The following CARD9 variants were observed in gnomAD, a reference collection of about 807,000 sequenced individuals.
CARD9 encodes caspase recruitment domain-containing protein 9.
Under a neutral mutation model 66.0 loss-of-function variants are expected in CARD9, and 53 were observed. That is an observed-to-expected ratio of 0.80 (90% CI 0.64 to 1.01). The LOEUF is 1.01. CARD9 is among the 50% of genes least tolerant of loss of function. CARD9 has a pLI of 0.00. For synonymous variants in CARD9, 387 were observed against 313.8 expected (o/e 1.23, Z -2.47); for missense variants, 769 against 743.2 (o/e 1.03, Z -0.40).
At position 136,364,276 on chromosome 9, in the gene CARD9, C is replaced by T. The variant is rs1833058273; in HGVS notation, c.*26G>A. ...CAGGAGGCCGGGCCGGTGGGTGTGC[C>T]CTGGTCGGGGCCTGCGCTGCTGCGG... On this transcript the variant is annotated 3_prime_UTR_variant, in exon 13 of 13. Coordinates refer to ENST00000371732, the MANE Select transcript of CARD9 (RefSeq NM_052813.5). 4 of 1,551,682 alleles carry T rather than the reference C, an allele frequency of 2.6e-6. No individual in the cohort carries two copies. The highest frequency in any genetic ancestry group is 2.6e-6 in the Non-Finnish European group (3 of 1,147,374).
chr9:136,372,599 C>T (rs1206454146), intron 1 of CARD9, among the ~76,000 whole-genome samples: 1 of 152,232 alleles, frequency 6.6e-6, no homozygotes, highest in Non-Finnish European at 1.5e-5. Context: ...GCCCTCCCAC[C>T]AGCACAGCAG....
intron 11 of CARD9, 171 bp downstream of exon 11, chr9:136,364,970 C>G (rs935766419): frequency 1.6e-6 from 1 of 642,956 alleles, no homozygotes; most frequent in Admixed American, 2.9e-5. Context: ...GGGGGATCCA[C>G]TTCGCAGCCC....
At position 136,365,192 on chromosome 9, in the gene CARD9, C is replaced by T. The variant is rs138344913; in HGVS notation, c.1383G>A (p.Pro461=). Residue 461 remains proline (P), a synonymous_variant, in exon 11 of 13, where the codon CCG becomes CCA. Coordinates refer to ENST00000371732, the MANE Select transcript of CARD9 (RefSeq NM_052813.5). ...DKGCLAGGGS[P]KQPFAALHQE... is the part of the protein sequence containing the mutation. ...GGTGCAGAGCTGCAAAGGGCTGTTTCGGGCTCCCCCCGCCGGCAAGGCAGC... is the reference window on the plus strand; with the variant it reads ...GGTGCAGAGCTGCAAAGGGCTGTTTTGGGCTCCCCCCGCCGGCAAGGCAGC... 5.1e-3 allele frequency: 8,284 copies of T among 1,610,312 alleles called. 64 individuals carry two copies. Among genetic ancestry groups the T allele is most frequent in the Non-Finnish European group, 4.9e-3 (5,749 of 1,179,810 alleles).
Position 136,372,064 on chromosome 9 carries a change from C to G in CARD9, c.15G>C (p.Glu5Asp). 8 of 1,612,686 alleles carry G rather than the reference C, an allele frequency of 5.0e-6. No homozygotes were observed. Among genetic ancestry groups the G allele is most frequent in the Non-Finnish European group, 6.8e-6 (8 of 1,179,972 alleles). The change falls in exon 2 of 13, where the codon GAG becomes GAC. Residue 5 changes from glutamate (E) to aspartate (D), a missense_variant. Coordinates refer to ENST00000371732, the MANE Select transcript of CARD9 (RefSeq NM_052813.5). Reference sequence around the variant, plus strand: ...GGACGCTCCAGCACTCGTCATCGTTCTCGTAGTCCGACATGGCCTCAGCAG... The same window carrying G: ...GGACGCTCCAGCACTCGTCATCGTTGTCGTAGTCCGACATGGCCTCAGCAG... Reference protein sequence around the residue: MSDYENDDECWSVLE... With the variant: MSDYDNDDECWSVLE...
intron 7 of CARD9, 48 bp from the exon 8 acceptor site, chr9:136,367,876 C>A: frequency 6.4e-7 from 1 of 1,558,578 alleles, no homozygotes; most frequent in Non-Finnish European, 8.7e-7. Context: ...CCCAAGCTTG[C>A]CCTGGGCCCT....
chr9:136,373,615 T>C lies in CARD9; in HGVS notation c.-100A>G. The C allele has an allele frequency of 1.0e-6, 1 of 983,452 alleles. No homozygotes were observed. Among genetic ancestry groups the C allele is most frequent in the Non-Finnish European group, 1.2e-6 (1 of 827,998 alleles). 60.9% of individuals were successfully genotyped at this position (983,452 alleles called of 1,614,324 possible). A position where few individuals can be genotyped will look rare whatever the true frequency, so the allele number is the denominator to read the frequency against. ...GCCTCTGGGAGATGCTGCCCGGGGCTGCAGGGAGGGAGGAGCACGCCGGAC... is the reference window on the plus strand; with the variant it reads ...GCCTCTGGGAGATGCTGCCCGGGGCCGCAGGGAGGGAGGAGCACGCCGGAC... On this transcript the variant is annotated 5_prime_UTR_variant, in exon 1 of 13. Coordinates refer to ENST00000371732, the MANE Select transcript of CARD9 (RefSeq NM_052813.5).
intron 3 of CARD9, 36 bp from the exon 4 acceptor site, chr9:136,371,181 C>A: frequency 6.2e-7 from 1 of 1,607,724 alleles, no homozygotes; most frequent in South Asian, 1.1e-5. Context: ...GTGCCGTGTT[C>A]CCCGGTGGCC....
intron 1 of CARD9, among the ~76,000 whole-genome samples, chr9:136,372,389 C>T (rs1424402329): frequency 6.6e-6 from 1 of 152,204 alleles, no homozygotes; most frequent in East Asian, 1.9e-4. Flanking sequence ...AGATACGCAG[C>T]GGGGGAGGCA....
chr9:136,364,308 G>C lies in CARD9; in HGVS notation c.1605C>G (p.Gly535=), dbSNP rs768039619. The C allele has an allele frequency of 6.4e-7, 1 of 1,557,808 alleles. No individual in the cohort carries two copies. The highest frequency in any genetic ancestry group is 8.7e-7 in the Non-Finnish European group (1 of 1,151,200). ...TTGSDNTDTE[G]S ...GGGGCCTGCGCTGCTGCGGCTAGGA[G>C]CCCTCAGTGTCGGTGTTGTCGCTGC... Residue 535 remains glycine, a synonymous_variant, in exon 13 of 13, where the codon GGC becomes GGG. Transcript: ENST00000371732.
intron 1 of CARD9, among the ~76,000 whole-genome samples, chr9:136,372,319 G>A (rs530121246): frequency 5.3e-5 from 8 of 152,310 alleles, no homozygotes; most frequent in African/African-American, 9.6e-5. Flanking sequence ...CAGACCAGCC[G>A]AGGGCCCCTC....
At chr9:136,369,981 G>C in intron 6 of CARD9, 106 bp from the exon 7 acceptor site, 2 of 1,559,898 alleles carry the variant, frequency 1.3e-6, no homozygotes, top group South Asian at 1.1e-5. Flanking sequence ...GGCCAGTTGG[G>C]ATGTCGGGGG....
rs971785161 is a variant in CARD9 at position 136,372,034 on chromosome 9, C to G, written c.45G>C (p.Glu15Asp). The change falls in exon 2 of 13, where the codon GAG (glutamate) becomes GAC (aspartate). Residue 15 changes from glutamate (E) to aspartate (D), a missense_variant. Physicochemically the swap from Glu to Asp is conservative, Grantham distance 45 (BLOSUM62 2). Coordinates refer to ENST00000371732, the MANE Select transcript of CARD9 (RefSeq NM_052813.5). ...ENDDECWSVL[E>D]GFRVTLTSVI... Reference sequence around the variant, plus strand: ...CCGAGGTGAGCGTCACCCGGAAGCCCTCCAGGACGCTCCAGCACTCGTCAT... The same window carrying G: ...CCGAGGTGAGCGTCACCCGGAAGCCGTCCAGGACGCTCCAGCACTCGTCAT... 2 of 1,612,704 alleles carry G rather than the reference C, an allele frequency of 1.2e-6. No individual in the cohort carries two copies. The highest frequency in any genetic ancestry group is 1.1e-5 in the South Asian group (1 of 91,092).
intron 7 of CARD9, among the ~76,000 whole-genome samples, chr9:136,368,823 A>ATT (rs765736439): frequency 0.033 from 4,848 of 146,446 alleles, 98 homozygotes; most frequent in Middle Eastern, 0.099. Context: ...CGACCAGTTA[A>ATT]TTTTTTTTTT....
chr9:136,364,080 TG>T lies in CARD9; in HGVS notation c.*221del, dbSNP rs767496205. 3 of 1,549,852 alleles carry T rather than the reference TG, an allele frequency of 1.9e-6. No homozygotes were observed. Among genetic ancestry groups the T allele is most frequent in the South Asian group, 2.4e-5 (2 of 84,048 alleles). ...TGAAGTTACACAGATGGCGTGTGCA[TG>T]GGGGTGGTGAGCACCCGCATGGCCT... On this transcript the variant is annotated 3_prime_UTR_variant, in exon 13 of 13. Coordinates refer to ENST00000371732, the MANE Select transcript of CARD9 (RefSeq NM_052813.5).
intron 1 of CARD9, among the ~76,000 whole-genome samples, chr9:136,372,634 C>A (rs1428167642): frequency 6.6e-6 from 1 of 152,242 alleles, no homozygotes; most frequent in Non-Finnish European, 1.5e-5. Context: ...TCTTGTGGGA[C>A]TTCCTCATTC....
intron 8 of CARD9, 66 bp downstream of exon 8, chr9:136,367,571 T>G: frequency 6.7e-7 from 1 of 1,492,192 alleles, no homozygotes; most frequent in Non-Finnish European, 9.0e-7. Flanking sequence ...GGGCTGAGGC[T>G]CCGTGCTCCC....
At position 136,367,784 on chromosome 9, in the gene CARD9, GC is replaced by G; in HGVS notation, c.1121del (p.Gly374AlafsTer50). The G allele has an allele frequency of 6.2e-7, 1 of 1,603,822 alleles. No individual in the cohort carries two copies. Reference protein sequence around the residue: ...REELHAQHARGLQEKDALRKQ... With the variant: ...REELHAQHARXLQEKDALRKQ... ...TGCGCAGCGCGTCCTTCTCCTGCAGGCCCCGGGCGTGCTGTGCGTGCAGCTC... is the reference window on the plus strand; with the variant it reads ...TGCGCAGCGCGTCCTTCTCCTGCAGGCCCGGGCGTGCTGTGCGTGCAGCTC... On this transcript the variant is annotated frameshift_variant, in exon 8 of 13. Coordinates refer to ENST00000371732, the MANE Select transcript of CARD9 (RefSeq NM_052813.5). LOFTEE classifies it high-confidence loss of function.
rs1255999055 is a variant in CARD9, at chr9:136,365,308, G to C, written c.1358-91C>G. The C allele has an allele frequency of 7.1e-6, 9 of 1,265,734 alleles. No homozygotes were observed. In the East Asian group the frequency reaches 2.2e-4, roughly 31 times the overall value. The allele number at this position is 1,265,734 out of a possible 1,614,324, so 78.4% of individuals were successfully genotyped here. A position where few individuals can be genotyped will look rare whatever the true frequency, so the allele number is the denominator to read the frequency against. ...CACCCCTCCCCGGCATTGCAGTGGG[G>C]CTGTCTTCCAAGGCCTGGTGGGATC... is the stretch of plus-strand genomic sequence containing the variant. On this transcript the variant is annotated intron_variant, in intron 10 of 12. Transcript: ENST00000371732.
intron 7 of CARD9, among the ~76,000 whole-genome samples, chr9:136,369,515 T>TA (rs1158855430): frequency 6.6e-6 from 1 of 152,134 alleles, no homozygotes; most frequent in Non-Finnish European, 1.5e-5. Flanking sequence ...TTCTGTCATT[T>TA]AAAAAACAGA....
Sources: gnomAD v4.1 joint callset for allele counts (sites outside exome capture counted in the v4.1 genomes callset) on GRCh38, gnomAD v4.1.1 for gene constraint, MANE v1.5 for transcripts, NCBI Gene and HGNC (gene_info 2026-07-23, HGNC 2026-07-21) for gene names.